Variants in AGO4 observed in about 807,000 individuals in gnomAD.
AGO4 encodes the protein protein argonaute-4.
AGO4 carries 33 observed loss-of-function variants against 104.7 expected under a neutral mutation model. The observed-to-expected ratio is 0.32, with a 90% CI of 0.24 to 0.42. The LOEUF (loss-of-function observed/expected upper bound fraction) is 0.42. AGO4 is among the 10% of genes least tolerant of loss of function. The pLI is 1.00. For synonymous variants in AGO4, 331 were observed against 364.7 expected, an observed-to-expected ratio of 0.91 and a Z score of 1.05; for missense variants, 711 against 1,083.4, an observed-to-expected ratio of 0.66 and a Z score of 4.83.
rs558987464 is a variant in AGO4, at chr1:35,821,951, G to A, written c.186-911G>A. Among the ~76,000 whole-genome samples the A allele has an allele frequency of 3.3e-3, 500 of 151,470 alleles. 2 individuals are homozygous for A. Among genetic ancestry groups the A allele is most frequent in the Middle Eastern group, 0.01 (3 of 292 alleles). On this transcript the variant is annotated intron_variant, in intron 2 of 17. Transcript: ENST00000373210. ...TGCCCAGGCTGGAGTACAGTGGAAC[G>A]ATCTCAGCTCACTGCAACCCCTGCC...
chr1:35,829,705 C>T (rs541613770), intron 7 of AGO4, among the ~76,000 whole-genome samples: 17 of 151,616 alleles, frequency 1.1e-4, no homozygotes, highest in Non-Finnish European at 2.4e-4. Flanking sequence ...GGCATGGTGG[C>T]AGGCATGGTG....
At chr1:35,842,308 T>C (rs1644465215) in intron 15 of AGO4, among the ~76,000 whole-genome samples, 1 of 151,778 alleles carries the variant, frequency 6.6e-6, no homozygotes, top group Non-Finnish European at 1.5e-5. Flanking sequence ...CCCAAAACCA[T>C]CTCCCCGCCG....
At chr1:35,849,708 A>T (rs1407377406) in intron 15 of AGO4, among the ~76,000 whole-genome samples, 1 of 150,574 alleles carries the variant, frequency 6.6e-6, no homozygotes, top group East Asian at 2.0e-4. Flanking sequence ...AAAAAAAAGT[A>T]CTAGTTATGT....
At chr1:35,832,643 C>A in intron 11 of AGO4, 73 bp downstream of exon 11, 1 of 1,526,106 alleles carries the variant, frequency 6.6e-7, no homozygotes. Flanking sequence ...TGTGAATGTG[C>A]TGTGTACACT....
chr1:35,824,835 G>A (rs1643973242), intron 3 of AGO4, among the ~76,000 whole-genome samples: 1 of 151,984 alleles, frequency 6.6e-6, no homozygotes, highest in African/African-American at 2.4e-5. Context: ...ACAGTTTAAT[G>A]GCATTATGTA....
intron 13 of AGO4, among the ~76,000 whole-genome samples, chr1:35,840,907 G>A (rs150913348): frequency 4.9e-4 from 75 of 152,254 alleles, no homozygotes; most frequent in African/African-American, 1.7e-3. Context: ...GAGCCAAGGT[G>A]CCCAGCCTAG....
intron 12 of AGO4, 29 bp from the exon 13 acceptor site, chr1:35,835,805 A>T: frequency 2.6e-6 from 4 of 1,552,706 alleles, no homozygotes; most frequent in Non-Finnish European, 3.5e-6. Context: ...CCATTTAAAC[A>T]TGTTAAAATT....
At chr1:35,809,728 C>T (rs1480357945) in intron 1 of AGO4, among the ~76,000 whole-genome samples, 2 of 151,934 alleles carry the variant, frequency 1.3e-5, no homozygotes, top group Admixed American at 1.3e-4. Flanking sequence ...GTTGTATGAC[C>T]CTGGGAAAAT....
chr1:35,818,094 T>C (rs1643768683), intron 2 of AGO4, among the ~76,000 whole-genome samples: 1 of 151,656 alleles, frequency 6.6e-6, no homozygotes, highest in Non-Finnish European at 1.5e-5. Context: ...AAAAAGAAAA[T>C]AGAGATGGAA....
At chr1:35,850,291 G>A (rs917429400) in intron 16 of AGO4, 33 bp downstream of exon 16, 36 of 1,538,994 alleles carry the variant, frequency 2.3e-5, no homozygotes, top group African/African-American at 4.1e-5. Context: ...TCTTTGACTT[G>A]ATAGGGAGAT....
chr1:35,826,498 C>T (rs1644023499), intron 6 of AGO4, among the ~76,000 whole-genome samples: 1 of 152,116 alleles, frequency 6.6e-6, no homozygotes, highest in Non-Finnish European at 1.5e-5. Flanking sequence ...AGCATCAGAA[C>T]ATAGTTGATG....
intron 15 of AGO4, among the ~76,000 whole-genome samples, chr1:35,846,221 A>G (rs1644568581): frequency 6.6e-6 from 1 of 152,164 alleles, no homozygotes; most frequent in South Asian, 2.1e-4. Flanking sequence ...ATCACTGTAT[A>G]TTAAGTCAGC....
chr1:35,850,107 A>C (rs1169502143), intron 15 of AGO4, 50 bp from the exon 16 acceptor site: 2 of 1,342,968 alleles, frequency 1.5e-6, no homozygotes, highest in Non-Finnish European at 2.0e-6. Context: ...AAATGGCCTG[A>C]CCACAGTTTG....
rs1643379001 is a variant in AGO4, at chr1:35,808,588, A to G, written c.19+153A>G. 2.0e-5 allele frequency among the ~76,000 whole-genome samples: 3 copies of G among 151,340 alleles called. No individual in the cohort carries two copies. The highest frequency in any genetic ancestry group is 4.8e-5 in the African/African-American group (2 of 41,264). ...CCGCAGCACGAAGCGGAGGGAGCTG[A>G]CCCGGGCCTGGGGGGCGGTGACCGC... On this transcript the variant is annotated intron_variant, in intron 1 of 17. Coordinates refer to ENST00000373210, the MANE Select transcript of AGO4 (RefSeq NM_017629.4). This position sits in a 1 kb window ranked among gnomAD's most constrained non-coding sequence, Gnocchi z 5.2.
At position 35,841,080 on chromosome 1, in the gene AGO4, G is replaced by T; in HGVS notation, c.1725-85G>T. ...TGTTCTCTCTTATAAGGTTATATCT[G>T]ATTATATCTGGTGATATAATCTTGC... is the stretch of plus-strand genomic sequence containing the variant. On this transcript the variant is annotated intron_variant, in intron 13 of 17. Transcript: ENST00000373210. This position sits in a 1 kb window ranked among gnomAD's most constrained non-coding sequence, Gnocchi z 4.7. 7.1e-7 allele frequency: 1 copy of T among 1,410,712 alleles called. No individual in the cohort carries two copies. The highest frequency in any genetic ancestry group is 9.8e-7 in the Non-Finnish European group (1 of 1,020,532). 87.4% of individuals were successfully genotyped at this position (1,410,712 alleles called of 1,614,324 possible). A position where few individuals can be genotyped will look rare whatever the true frequency, so the allele number is the denominator to read the frequency against.
intron 7 of AGO4, among the ~76,000 whole-genome samples, chr1:35,829,574 G>A (rs905173582): frequency 1.2e-4 from 19 of 152,034 alleles, no homozygotes; most frequent in African/African-American, 4.3e-4. Flanking sequence ...GGTGGCTCAC[G>A]CCTCTAAATC....
chr1:35,838,642 C>A (rs1321403698), intron 13 of AGO4, among the ~76,000 whole-genome samples: 1 of 152,138 alleles, frequency 6.6e-6, no homozygotes, highest in East Asian at 1.9e-4. Context: ...AGTAAGCAAA[C>A]ACCAAGGCAA....
At chr1:35,837,939 G>C (rs948418754) in intron 13 of AGO4, among the ~76,000 whole-genome samples, 2 of 152,022 alleles carry the variant, frequency 1.3e-5, no homozygotes, top group Non-Finnish European at 2.9e-5. Context: ...CTGGAGTGCA[G>C]TGGGGCAATC....
intron 13 of AGO4, among the ~76,000 whole-genome samples, chr1:35,838,772 C>T (rs866395869): frequency 1.3e-5 from 2 of 152,098 alleles, no homozygotes; most frequent in South Asian, 4.2e-4. Context: ...ATAATATCTG[C>T]CTTGTTAACT....
Sources: allele counts gnomAD v4.1 joint callset (sites outside exome capture counted in the v4.1 genomes callset), GRCh38; gene constraint gnomAD v4.1.1; non-coding constraint Gnocchi (gnomAD v3.1); transcripts MANE v1.5; gene names NCBI Gene and HGNC (gene_info 2026-07-23, HGNC 2026-07-21).